The following WWOX variants were observed in gnomAD, a reference collection of about 807,000 sequenced individuals.
WWOX encodes the protein WW domain containing oxidoreductase.
Under a neutral mutation model 46.2 loss-of-function variants are expected in WWOX, and 69 were observed. That is an observed-to-expected ratio of 1.49 (90% CI 1.23 to 1.82). The LOEUF is 1.82. Ranked by LOEUF, WWOX falls within the 40% of genes most tolerant of loss-of-function variation. The pLI, the probability that WWOX is intolerant of heterozygous loss-of-function variation, is 0.00. For missense variants in WWOX, 919 were observed against 542.6 expected (o/e 1.69, Z -6.89); for synonymous variants, 359 against 202.6 (o/e 1.77, Z -6.56).
At chr16:78,683,280 G>C (rs980344496) in intron 8 of WWOX, among the ~76,000 whole-genome samples, 4 of 151,854 alleles carry the variant, frequency 2.6e-5, no homozygotes, top group African/African-American at 9.7e-5. Context: ...GGAGGCTGAG[G>C]TGGGTGGATT....
Position 79,038,476 on chromosome 16 carries a change from G to A in WWOX, c.1057-173132G>A, listed in dbSNP as rs11865980. Among the ~76,000 whole-genome samples the A allele has an allele frequency of 3.7e-3, 567 of 152,278 alleles. 4 individuals are homozygous for A. The highest frequency in any genetic ancestry group is 0.013 in the African/African-American group (540 of 41,566). On this transcript the variant is annotated intron_variant, in intron 8 of 8. Transcript: ENST00000566780. ...AAAAAAGACTGGAAGGAAATTTATT[G>A]AGATGTTATTGTTTATGAGTGTTCT...
intron 5 of WWOX, among the ~76,000 whole-genome samples, chr16:78,363,850 T>A (rs2081469424): frequency 6.6e-6 from 1 of 152,116 alleles, no homozygotes; most frequent in African/African-American, 2.4e-5. Flanking sequence ...CCCGAGGTCA[T>A]GTGCAGAGTT....
At chr16:78,257,449 C>A (rs62034051) in intron 5 of WWOX, among the ~76,000 whole-genome samples, 133 of 152,254 alleles carry the variant, frequency 8.7e-4, no homozygotes, top group Non-Finnish European at 1.1e-3. Context: ...TCCTCCGAGC[C>A]AGGGATGGAG....
chr16:78,749,439 C>A (rs1043040747), intron 8 of WWOX, among the ~76,000 whole-genome samples: 16 of 151,886 alleles, frequency 1.1e-4, no homozygotes, highest in African/African-American at 3.9e-4. Context: ...AGAGAGAGAC[C>A]CAAAATAGTC....
chr16:78,931,151 C>G (rs2045615751), intron 8 of WWOX, among the ~76,000 whole-genome samples: 1 of 152,140 alleles, frequency 6.6e-6, no homozygotes, highest in African/African-American at 2.4e-5. Context: ...CCTTAAGGAG[C>G]TTACGAAAAC....
At position 78,886,190 on chromosome 16, in the gene WWOX, G is replaced by A. The variant is rs529545112; in HGVS notation, c.1057-325418G>A. Among the ~76,000 whole-genome samples the A allele has an allele frequency of 2.7e-5, 4 of 150,312 alleles. No individual in the cohort carries two copies. In the East Asian group the frequency reaches 7.8e-4, roughly 29 times the overall value. ...TCCACCCTCCTCGGCCTCCCAAAGT[G>A]CTCGGATTACAGGCATGAACCACTG... is the stretch of plus-strand genomic sequence containing the variant. On this transcript the variant is annotated intron_variant, in intron 8 of 8. Transcript: ENST00000566780.
At chr16:78,780,472 A>G (rs952395924) in intron 8 of WWOX, 4 of 152,256 alleles carry the variant, frequency 2.6e-5, no homozygotes, top group Non-Finnish European at 4.4e-5. Flanking sequence ...CTCTGACTTA[A>G]CAGGACTTCC....
chr16:78,986,984 C>G (rs142290727), intron 8 of WWOX, among the ~76,000 whole-genome samples: 53 of 152,138 alleles, frequency 3.5e-4, no homozygotes, highest in African/African-American at 1.2e-3. Flanking sequence ...GTACAGTGCA[C>G]TTACCCACAC....
chr16:78,853,246 A>C (rs2052491454), intron 8 of WWOX, among the ~76,000 whole-genome samples: 1 of 152,122 alleles, frequency 6.6e-6, no homozygotes, highest in South Asian at 2.1e-4. Context: ...TTTCTGAGAC[A>C]GTCTTGATCT....
At chr16:78,345,039 G>C (rs571354475) in intron 5 of WWOX, among the ~76,000 whole-genome samples, 1 of 119,868 alleles carries the variant, frequency 8.3e-6, no homozygotes, top group South Asian at 2.5e-4. Context: ...GTTGTGGAAA[G>C]TATTGTGCGT....
At chr16:78,292,063 CTTT>C (rs5818123) in intron 5 of WWOX, among the ~76,000 whole-genome samples, 2 of 136,932 alleles carry the variant, frequency 1.5e-5, no homozygotes, top group Non-Finnish European at 1.6e-5. Flanking sequence ...TGATTTTTAC[CTTT>C]TTTTTTTTTT....
intron 8 of WWOX, among the ~76,000 whole-genome samples, chr16:79,118,101 C>T (rs1320392452): frequency 6.6e-6 from 1 of 152,218 alleles, no homozygotes; most frequent in African/African-American, 2.4e-5. Context: ...ATGGCTTTCT[C>T]GTTAAGCTTA....
chr16:79,029,316 C>G (rs1037470918), intron 8 of WWOX, among the ~76,000 whole-genome samples: 1 of 152,168 alleles, frequency 6.6e-6, no homozygotes, highest in African/African-American at 2.4e-5. Context: ...GGGGAAGAGA[C>G]GCACATCAGC....
chr16:78,504,411 T>G (rs2085142055), intron 8 of WWOX, among the ~76,000 whole-genome samples: 1 of 152,224 alleles, frequency 6.6e-6, no homozygotes, highest in Admixed American at 6.5e-5. Flanking sequence ...TAAGCAAGCT[T>G]GATCTCTCAG....
rs903333994 is a variant in WWOX at position 79,019,157 on chromosome 16, C to CAAAAAAAAA, written c.1057-192431_1057-192423dup. ...TGGGCAGCAGAGTGCGACCTTGTCT[C>CAAAAAAAAA]AAAAAAAAAAAAAAAAAAAAAAAAA... On this transcript the variant is annotated intron_variant, in intron 8 of 8. Transcript: ENST00000566780. 3.8e-3 allele frequency among the ~76,000 whole-genome samples: 94 copies of CAAAAAAAAA among 24,536 alleles called. 3 individuals are homozygous for CAAAAAAAAA. Among genetic ancestry groups the CAAAAAAAAA allele is most frequent in the African/African-American group, 9.9e-3 (64 of 6,446 alleles). 16.1% of individuals were successfully genotyped at this position (24,536 alleles called of 152,430 possible). A position where few individuals can be genotyped will look rare whatever the true frequency, so the allele number is the denominator to read the frequency against.
intron 5 of WWOX, among the ~76,000 whole-genome samples, chr16:78,252,888 G>A (rs1354908725): frequency 6.6e-6 from 1 of 152,166 alleles, no homozygotes; most frequent in Non-Finnish European, 1.5e-5. Context: ...AGGAGTAAAG[G>A]TCGGTTTAGA....
chr16:78,434,569 G>A lies in WWOX; in HGVS notation c.1056+1817G>A, dbSNP rs138103194. ...ATTTTCTGCTGGCCCAGTGCCTTCC[G>A]CTTTAACAAGCCCAGTCAACCATCA... On this transcript the variant is annotated intron_variant, in intron 8 of 8. Transcript: ENST00000566780. Among the ~76,000 whole-genome samples, 4 of 152,242 alleles carry A rather than the reference G, an allele frequency of 2.6e-5. No homozygotes were observed. The East Asian group carries it at 5.8e-4, about 22-fold the overall frequency.
chr16:78,313,690 T>A (rs1193577892), intron 5 of WWOX, among the ~76,000 whole-genome samples: 3 of 152,164 alleles, frequency 2.0e-5, no homozygotes, highest in African/African-American at 7.2e-5. Context: ...CGTACCGTGA[T>A]TGCTTGCTTT....
intron 8 of WWOX, among the ~76,000 whole-genome samples, chr16:79,007,876 AG>A (rs1418686231): frequency 2.0e-5 from 3 of 152,210 alleles, no homozygotes; most frequent in Admixed American, 2.0e-4. Context: ...CCCTTTACAA[AG>A]CACTGTGCAT....
Sources: allele counts gnomAD v4.1 joint callset (sites outside exome capture counted in the v4.1 genomes callset), GRCh38; gene constraint gnomAD v4.1.1; transcripts MANE v1.5; gene names NCBI Gene and HGNC (gene_info 2026-07-23, HGNC 2026-07-21).